ANLN: variants seen among roughly 807,000 people sequenced by gnomAD.
ANLN encodes the protein anillin, actin binding protein.
Under a neutral mutation model 135.1 loss-of-function variants are expected in ANLN, and 59 were observed. The observed-to-expected ratio is 0.44, with a 90% CI of 0.35 to 0.54. The LOEUF (loss-of-function observed/expected upper bound fraction) is 0.54. Ranked by LOEUF, ANLN falls within the 20% of genes least tolerant of loss-of-function variation. The pLI, the probability that ANLN is intolerant of heterozygous loss-of-function variation, is 0.00. For synonymous variants in ANLN, 406 were observed against 456.4 expected, an observed-to-expected ratio of 0.89 and a Z score of 1.41; for missense variants, 1,182 against 1,340.0, an observed-to-expected ratio of 0.88 and a Z score of 1.84.
At chr7:36,450,396 C>T (rs572038263) in intron 23 of ANLN, among the ~76,000 whole-genome samples, 1 of 152,222 alleles carries the variant, frequency 6.6e-6, no homozygotes, top group Admixed American at 6.5e-5. Context: ...GCTTGAAGAC[C>T]AACTTCAGTG....
In ANLN at chr7:36,421,958, A is replaced by C; in HGVS notation, c.2265A>C (p.Glu755Asp). ...AAGAACATGGAAAAGGGTCCCTAGAAGAAGCTGAAGCAGAAAGACTTCTTC... is the reference window on the plus strand; with the variant it reads ...AAGAACATGGAAAAGGGTCCCTAGACGAAGCTGAAGCAGAAAGACTTCTTC... ...VDEEHGKGSLEEAEAERLLLI... is the reference protein window; with the variant it reads ...VDEEHGKGSLDEAEAERLLLI... Residue 755 changes from glutamate to aspartate, a missense_variant, in exon 13 of 24, where the codon GAA (glutamate) becomes GAC (aspartate). By Grantham distance (45) the Glu-to-Asp change is conservative. Around this residue, in one of 3 missense-constraint regions of ANLN, gnomAD observed 1,022 missense variants for 1,134.0 expected, o/e 0.90. Transcript: ENST00000265748. 4 of 1,613,650 alleles carry C rather than the reference A, an allele frequency of 2.5e-6. No individual in the cohort carries two copies. The highest frequency in any genetic ancestry group is 3.4e-6 in the Non-Finnish European group (4 of 1,179,766).
intron 20 of ANLN, among the ~76,000 whole-genome samples, chr7:36,438,866 G>A (rs1018401376): frequency 3.3e-5 from 5 of 152,164 alleles, no homozygotes; most frequent in Non-Finnish European, 7.3e-5. Context: ...ATTGTGTGGT[G>A]TGAATTTACA....
At chr7:36,402,577 CCAAT>C in intron 3 of ANLN, among the ~76,000 whole-genome samples, 1 of 152,258 alleles carries the variant, frequency 6.6e-6, no homozygotes, top group South Asian at 2.1e-4. Flanking sequence ...TGATTAAATT[CCAAT>C]CTGGACCTGC....
chr7:36,417,752 A>G (rs1331142755), intron 9 of ANLN, among the ~76,000 whole-genome samples: 2 of 137,416 alleles, frequency 1.5e-5, no homozygotes, highest in Non-Finnish European at 3.0e-5. Context: ...ATCTTGGCTC[A>G]CTGCAACCTC....
chr7:36,420,890 T>C, intron 12 of ANLN, 146 bp downstream of exon 12: 2 of 706,976 alleles, frequency 2.8e-6, no homozygotes, highest in East Asian at 2.7e-5. Context: ...TAAATCACAT[T>C]TGAATTCAGT....
chr7:36,408,598 T>C (rs1787285986), intron 5 of ANLN, among the ~76,000 whole-genome samples: 1 of 152,220 alleles, frequency 6.6e-6, no homozygotes, highest in South Asian at 2.1e-4. Flanking sequence ...TCTTCTCTTG[T>C]AGCTATTTTG....
intron 22 of ANLN, among the ~76,000 whole-genome samples, chr7:36,448,041 G>T (rs1277501156): frequency 3.3e-5 from 5 of 151,888 alleles, no homozygotes; most frequent in Non-Finnish European, 7.4e-5. Flanking sequence ...TTGAGACAGG[G>T]TCTCGCTCTG....
chr7:36,420,355 T>C, intron 11 of ANLN, 41 bp downstream of exon 11: 1 of 1,594,204 alleles, frequency 6.3e-7, no homozygotes, highest in Non-Finnish European at 8.6e-7. Context: ...CTAAGGGTCA[T>C]GGTTTAGATT....
chr7:36,427,074 T>G (rs1355022156), intron 20 of ANLN, 46 bp downstream of exon 20: 3 of 1,221,298 alleles, frequency 2.5e-6, no homozygotes, highest in Non-Finnish European at 2.3e-6. Context: ...TTTTTTAATC[T>G]TAGAAAAATT....
rs933244453 is a variant in ANLN, at chr7:36,431,718, T to G, written c.2883+4690T>G. 2.0e-5 allele frequency among the ~76,000 whole-genome samples: 3 copies of G among 150,756 alleles called. 1 individual carries two copies. The South Asian group carries it at 6.3e-4, about 32-fold the overall frequency. On this transcript the variant is annotated intron_variant, in intron 20 of 23. Coordinates refer to ENST00000265748, the MANE Select transcript of ANLN (RefSeq NM_018685.5). ...TAACCAAAAGACTAGCAGTTGGCGT[T>G]TATCTTTTCCCTTCAAGGCTTGGGT... is the stretch of plus-strand genomic sequence containing the variant.
chr7:36,442,436 C>G (rs1029107568), intron 21 of ANLN, among the ~76,000 whole-genome samples: 3 of 152,132 alleles, frequency 2.0e-5, no homozygotes, highest in African/African-American at 7.2e-5. Flanking sequence ...GCATCTGTGA[C>G]TGCTTCTGTG....
intron 20 of ANLN, among the ~76,000 whole-genome samples, chr7:36,432,454 G>C (rs566789513): frequency 5.5e-4 from 83 of 152,198 alleles, no homozygotes; most frequent in African/African-American, 2.0e-3. Context: ...TCCTATATTA[G>C]AGTCTATAGG....
Position 36,425,705 on chromosome 7 carries a change from A to G in ANLN, c.2713A>G (p.Ile905Val), listed in dbSNP as rs542363667. Reference protein sequence around the residue: ...KKKKTSKSKAITPKRLLTSIT... With the variant: ...KKKKTSKSKAVTPKRLLTSIT... ...AGTAAGCTATCTTTTCTTTTAGGCT[A>G]TTACTCCAAAGCGACTCCTCACATC... Residue 905 changes from isoleucine (I) to valine (V), a missense_variant, in exon 18 of 24, where the codon ATT becomes GTT. Physicochemically the swap from Ile to Val is conservative, Grantham distance 29. Transcript: ENST00000265748. The G allele has an allele frequency of 2.4e-5, 39 of 1,608,638 alleles. No homozygotes were observed. In the South Asian group the frequency reaches 3.6e-4, roughly 15 times the overall value.
intron 3 of ANLN, among the ~76,000 whole-genome samples, chr7:36,404,248 G>A (rs1224317584): frequency 6.6e-6 from 1 of 152,188 alleles, no homozygotes; most frequent in Admixed American, 6.5e-5. Context: ...GGGATTACAG[G>A]CACGGGCCCT....
chr7:36,427,920 TA>T (rs903865597), intron 20 of ANLN, among the ~76,000 whole-genome samples: 2 of 152,198 alleles, frequency 1.3e-5, no homozygotes, highest in African/African-American at 4.8e-5. Flanking sequence ...AATACAGTGA[TA>T]ATTTATATTA....
chr7:36,403,965 A>ATGTT (rs534079703), intron 3 of ANLN, among the ~76,000 whole-genome samples: 43 of 151,348 alleles, frequency 2.8e-4, no homozygotes, highest in African/African-American at 5.6e-4. Context: ...CCTTGCCGGG[A>ATGTT]TGTTTGTTTG....
chr7:36,420,614 C>G lies in ANLN; in HGVS notation c.2033C>G (p.Ser678Cys), dbSNP rs1317561071. 3.1e-6 allele frequency: 5 copies of G among 1,612,962 alleles called. No individual in the cohort carries two copies. The highest frequency in any genetic ancestry group is 4.2e-6 in the Non-Finnish European group (5 of 1,179,032). The change falls in exon 12 of 24, where the codon TCT becomes TGT. Residue 678 changes from serine (S) to cysteine (C), a missense_variant. Ser to Cys is a moderately radical substitution (Grantham distance 112). Around this residue, in one of 3 missense-constraint regions of ANLN, gnomAD observed 1,022 missense variants for 1,134.0 expected, o/e 0.90. Coordinates refer to ENST00000265748, the MANE Select transcript of ANLN (RefSeq NM_018685.5). ...DLLYSIDAYR[S>C]QRFKETERPS... ...TCTTGAAGCATTGATGCATATAGATCTCAAAGATTCAAAGAAACAGAACGT... is the reference window on the plus strand; with the variant it reads ...TCTTGAAGCATTGATGCATATAGATGTCAAAGATTCAAAGAAACAGAACGT...
intron 1 of ANLN, 39 bp from the exon 2 acceptor site, chr7:36,396,227 T>A: frequency 6.6e-7 from 1 of 1,518,348 alleles, no homozygotes; most frequent in Non-Finnish European, 8.9e-7. Flanking sequence ...AACCTTTGAT[T>A]AAACTTGTGT....
intron 17 of ANLN, 75 bp downstream of exon 17, chr7:36,424,817 G>T (rs1583631093): frequency 1.4e-6 from 2 of 1,432,832 alleles, no homozygotes; most frequent in Non-Finnish European, 1.9e-6. Flanking sequence ...TTTAATTTAT[G>T]TACAACTTTT....
Sources: allele counts gnomAD v4.1 joint callset (sites outside exome capture counted in the v4.1 genomes callset), GRCh38; gene constraint gnomAD v4.1.1; regional missense constraint gnomAD v4.1.1; transcripts MANE v1.5; gene names NCBI Gene and HGNC (gene_info 2026-07-23, HGNC 2026-07-21).